Variants in ERBB4 observed in about 807,000 individuals in gnomAD.
ERBB4 encodes the protein receptor tyrosine-protein kinase erbB-4.
A neutral mutation model predicts 158.0 loss-of-function variants in ERBB4; 42 were observed. The ratio of observed to expected loss-of-function variants is 0.27; its 90% CI spans 0.21 to 0.34. The LOEUF is 0.34. ERBB4 is among the 10% of genes least tolerant of loss of function. ERBB4 has a pLI of 1.00. For synonymous variants in ERBB4, 583 were observed against 558.7 expected (o/e 1.04, Z -0.61); for missense variants, 1,333 against 1,624.1 (o/e 0.82, Z 3.08).
rs1237147877 is a variant in ERBB4 at position 212,237,115 on chromosome 2, A to G, written c.83-112212T>C. ...TCTCCTGTCGGCATTTAGTGCTATA[A>G]ATTTCCTTCTAAACACTCCTCCTTT... On this transcript the variant is annotated intron_variant, in intron 1 of 27. Coordinates refer to ENST00000342788, the MANE Select transcript of ERBB4 (RefSeq NM_005235.3). Among the ~76,000 whole-genome samples, 5 of 152,154 alleles carry G rather than the reference A, an allele frequency of 3.3e-5. No individual in the cohort carries two copies. The South Asian group carries it at 8.3e-4, about 25-fold the overall frequency.
At chr2:211,738,374 T>G (rs71422753) in intron 5 of ERBB4, among the ~76,000 whole-genome samples, 57,462 of 148,008 alleles carry the variant, frequency 0.39, 11,511 homozygotes, top group South Asian at 0.6. Context: ...TTTTTTTTTT[T>G]TTTTTTTTTT....
In ERBB4 at chr2:211,383,898, G is replaced by A. The variant is rs2062627514; in HGVS notation, c.3644C>T (p.Thr1215Ile). The change falls in exon 28 of 28, where the codon ACC becomes ATC. Residue 1215 changes from threonine (T) to isoleucine (I), a missense_variant. This residue lies in a region of ERBB4 where 252 missense variants were observed against 241.3 expected (regional missense o/e 1.04). Coordinates refer to ENST00000342788, the MANE Select transcript of ERBB4 (RefSeq NM_005235.3). The part of the protein sequence containing the change: ...EPLYLNTFAN[T>I]LGKAEYLKNN... ...CTTCAGGTACTCAGCTTTTCCCAAG[G>A]TGTTGGCAAAGGTGTTGAGGTACAG... The A allele has an allele frequency of 6.2e-7, 1 of 1,613,916 alleles. No homozygotes were observed. Among genetic ancestry groups the A allele is most frequent in the African/African-American group, 1.3e-5 (1 of 74,852 alleles).
At chr2:212,042,966 T>C (rs995623433) in intron 2 of ERBB4, among the ~76,000 whole-genome samples, 2 of 152,112 alleles carry the variant, frequency 1.3e-5, no homozygotes, top group Non-Finnish European at 2.9e-5. Context: ...TAAAATGACT[T>C]TTGTTGTCTC....
At chr2:212,146,522 C>T (rs995180118) in intron 1 of ERBB4, among the ~76,000 whole-genome samples, 1 of 152,134 alleles carries the variant, frequency 6.6e-6, no homozygotes, top group Admixed American at 6.6e-5. Flanking sequence ...AGTCAGCAAA[C>T]TTGAGGACCA....
chr2:211,559,811 C>G (rs533675559), intron 20 of ERBB4, among the ~76,000 whole-genome samples: 2 of 152,214 alleles, frequency 1.3e-5, no homozygotes, highest in South Asian at 4.1e-4. Context: ...TAAAAGCCCA[C>G]CAATATCTGC....
intron 20 of ERBB4, among the ~76,000 whole-genome samples, chr2:211,524,714 C>T (rs950957450): frequency 3.3e-5 from 5 of 149,788 alleles, no homozygotes; most frequent in Non-Finnish European, 4.4e-5. Flanking sequence ...CTCCAGCTGG[C>T]CCGCAAGCGC....
At chr2:211,561,511 A>C (rs946669820) in intron 20 of ERBB4, among the ~76,000 whole-genome samples, 10 of 152,254 alleles carry the variant, frequency 6.6e-5, no homozygotes, top group African/African-American at 2.2e-4. Flanking sequence ...AGAGTTAAAC[A>C]TAAAGGCTAT....
intron 3 of ERBB4, among the ~76,000 whole-genome samples, chr2:211,845,644 A>G (rs2077570229): frequency 6.6e-6 from 1 of 152,146 alleles, no homozygotes. Flanking sequence ...GGGAACCTCA[A>G]TCTGACTTTA....
intron 2 of ERBB4, among the ~76,000 whole-genome samples, chr2:211,948,432 C>T (rs2080766619): frequency 2.1e-5 from 1 of 47,976 alleles, no homozygotes; most frequent in African/African-American, 9.0e-5. Flanking sequence ...GAGACTCTGT[C>T]TCACAAAAAA....
At chr2:211,974,606 T>C (rs1294591118) in intron 2 of ERBB4, among the ~76,000 whole-genome samples, 3 of 152,178 alleles carry the variant, frequency 2.0e-5, no homozygotes, top group African/African-American at 7.2e-5. Flanking sequence ...GAAATCTTTA[T>C]TGGCCAGGAG....
At chr2:211,446,549 G>A (rs1471936406) in intron 20 of ERBB4, among the ~76,000 whole-genome samples, 1 of 152,132 alleles carries the variant, frequency 6.6e-6, no homozygotes, top group Admixed American at 6.6e-5. Flanking sequence ...TTAGTATGAA[G>A]TTTGAAGTTA....
intron 4 of ERBB4, among the ~76,000 whole-genome samples, chr2:211,772,808 GATATATATATAT>G (rs761544601): frequency 1.6e-4 from 6 of 37,728 alleles, no homozygotes; most frequent in East Asian, 8.2e-4. Flanking sequence ...ACCATACTGG[GATATATATATAT>G]ATATATATAT....
intron 3 of ERBB4, among the ~76,000 whole-genome samples, chr2:211,821,633 A>T (rs1310063334): frequency 6.6e-6 from 1 of 152,102 alleles, no homozygotes. Flanking sequence ...TAACCAAAAC[A>T]GCATGGTACT....
At position 211,868,112 on chromosome 2, in the gene ERBB4, G is replaced by T. The variant is rs116387855; in HGVS notation, c.421+79318C>A. 2.4e-3 allele frequency among the ~76,000 whole-genome samples: 368 copies of T among 152,210 alleles called. 3 individuals carry two copies. The Middle Eastern group carries it at 0.027, about 11-fold the overall frequency. ...TCTCTCTCTGATTAGTGTTATCTTT[G>T]CAGATTTTAAGTCAGATTTCTTAGA... On this transcript the variant is annotated intron_variant, in intron 3 of 27. Transcript: ENST00000342788.
intron 1 of ERBB4, among the ~76,000 whole-genome samples, chr2:212,460,174 T>C (rs1490868816): frequency 2.0e-5 from 3 of 152,202 alleles, no homozygotes; most frequent in Non-Finnish European, 2.9e-5. Context: ...TCCCCCAGCA[T>C]GTGGAACTGT....
At chr2:212,038,098 A>G (rs1041777858) in intron 2 of ERBB4, among the ~76,000 whole-genome samples, 4 of 152,156 alleles carry the variant, frequency 2.6e-5, no homozygotes, top group African/African-American at 9.7e-5. Context: ...ACTTTCAGGT[A>G]TATAGAAATA....
At chr2:212,310,598 T>C (rs563284098) in intron 1 of ERBB4, among the ~76,000 whole-genome samples, 1 of 122,472 alleles carries the variant, frequency 8.2e-6, no homozygotes, top group East Asian at 2.3e-4. Flanking sequence ...TTGAGCTTCA[T>C]ATATATGTAT....
At chr2:211,391,874 A>G (rs1305069298) in intron 25 of ERBB4, among the ~76,000 whole-genome samples, 1 of 152,158 alleles carries the variant, frequency 6.6e-6, no homozygotes, top group Non-Finnish European at 1.5e-5. Context: ...TTTCGGAGGA[A>G]ACAAAAATAC....
intron 1 of ERBB4, among the ~76,000 whole-genome samples, chr2:212,411,443 C>G (rs967298137): frequency 6.6e-6 from 1 of 152,088 alleles, no homozygotes; most frequent in Non-Finnish European, 1.5e-5. Context: ...AATCAATACA[C>G]GTAGATAAAT....
Sources: allele counts gnomAD v4.1 joint callset (sites outside exome capture counted in the v4.1 genomes callset), GRCh38; gene constraint gnomAD v4.1.1; regional missense constraint gnomAD v4.1.1; transcripts MANE v1.5; gene names NCBI Gene and HGNC (gene_info 2026-07-23, HGNC 2026-07-21).